DENND5B: variants seen among roughly 807,000 people sequenced by gnomAD.
DENND5B encodes the protein DENN domain containing 5B.
DENND5B carries 34 observed loss-of-function variants against 140.6 expected under a neutral mutation model. The observed-to-expected ratio is 0.24, with a 90% confidence interval of 0.18 to 0.32. The LOEUF (loss-of-function observed/expected upper bound fraction) is 0.32, where lower values mean the gene tolerates loss of function less well. DENND5B is among the 10% of genes least tolerant of loss of function. DENND5B has a pLI of 1.00. For synonymous variants in DENND5B, 551 were observed against 562.1 expected (o/e 0.98, Z 0.28); for missense variants, 1,142 against 1,560.2 (o/e 0.73, Z 4.52).
At chr12:31,578,354 T>C (rs541067495) in intron 1 of DENND5B, among the ~76,000 whole-genome samples, 1 of 152,290 alleles carries the variant, frequency 6.6e-6, no homozygotes, top group Admixed American at 6.5e-5. Context: ...CCTCAGATAA[T>C]GCACAAAATA....
At chr12:31,489,325 T>C (rs1179881527) in intron 2 of DENND5B, among the ~76,000 whole-genome samples, 1 of 152,184 alleles carries the variant, frequency 6.6e-6, no homozygotes, top group African/African-American at 2.4e-5. Flanking sequence ...ACTTATTTTG[T>C]CCCATGTTTT....
chr12:31,394,492 TA>T (rs1464297849), intron 17 of DENND5B, among the ~76,000 whole-genome samples: 1 of 152,168 alleles, frequency 6.6e-6, no homozygotes, highest in Non-Finnish European at 1.5e-5. Context: ...TCAGCATAAT[TA>T]AAATTCACCA....
intron 1 of DENND5B, among the ~76,000 whole-genome samples, chr12:31,532,135 A>T (rs918586087): frequency 6.6e-6 from 1 of 152,234 alleles, no homozygotes; most frequent in Admixed American, 6.5e-5. Flanking sequence ...CTGAAGAAAG[A>T]AGCACAGTTT....
intron 1 of DENND5B, among the ~76,000 whole-genome samples, chr12:31,577,468 T>C (rs1007953493): frequency 3.9e-5 from 6 of 152,100 alleles, no homozygotes; most frequent in African/African-American, 1.2e-4. Context: ...CCCAGCACTT[T>C]GGGAGGCCGA....
intron 1 of DENND5B, among the ~76,000 whole-genome samples, chr12:31,553,899 T>C (rs1047492707): frequency 1.3e-5 from 2 of 152,232 alleles, no homozygotes; most frequent in Admixed American, 6.5e-5. Flanking sequence ...TGCCTTTTTT[T>C]GTTTTCCATT....
intron 3 of DENND5B, among the ~76,000 whole-genome samples, chr12:31,462,262 A>T (rs925145547): frequency 1.3e-5 from 2 of 149,906 alleles, no homozygotes; most frequent in Non-Finnish European, 3.0e-5. Flanking sequence ...CGGGTAGTAG[A>T]GGAGATCAGA....
At chr12:31,413,650 C>G in intron 12 of DENND5B, 86 bp from the exon 13 acceptor site, 6 of 1,412,254 alleles carry the variant, frequency 4.2e-6, no homozygotes, top group Non-Finnish European at 5.6e-6. Context: ...GTACTGGGCA[C>G]AGAAAGGTTT....
rs143551241 is a variant in DENND5B at position 31,494,681 on chromosome 12, C to G, written c.237+1129G>C. ...GGAGTGTAACTTTGTAACTTCACTT[C>G]AGCCTCTGATTGGTTGTATGTTTGT... On this transcript the variant is annotated intron_variant, in intron 2 of 20. Coordinates refer to ENST00000389082, the MANE Select transcript of DENND5B (RefSeq NM_144973.4). Among the ~76,000 whole-genome samples the G allele has an allele frequency of 9.6e-3, 1,467 of 152,242 alleles. 27 individuals are homozygous for G. Among genetic ancestry groups the G allele is most frequent in the African/African-American group, 0.033 (1,389 of 41,548 alleles).
intron 1 of DENND5B, among the ~76,000 whole-genome samples, chr12:31,503,833 A>C (rs1260611435): frequency 6.6e-6 from 1 of 152,164 alleles, no homozygotes; most frequent in Non-Finnish European, 1.5e-5. Flanking sequence ...CTGACCAGAG[A>C]CTTTCTCCAG....
At chr12:31,506,860 G>A (rs181116890) in intron 1 of DENND5B, among the ~76,000 whole-genome samples, 3 of 152,276 alleles carry the variant, frequency 2.0e-5, no homozygotes, top group South Asian at 2.1e-4. Flanking sequence ...TTTCCCCTGC[G>A]CATACATCAG....
chr12:31,429,992 C>A (rs1943436185), intron 8 of DENND5B, among the ~76,000 whole-genome samples: 1 of 151,590 alleles, frequency 6.6e-6, no homozygotes. Context: ...TAGGTGTGAG[C>A]CACCGCCCAG....
intron 3 of DENND5B, among the ~76,000 whole-genome samples, chr12:31,467,467 G>GA (rs915327265): frequency 3.0e-4 from 43 of 142,808 alleles, no homozygotes; most frequent in South Asian, 4.5e-4. Context: ...TCTACAAAAA[G>GA]AAAAAAAAAA....
At chr12:31,407,751 T>C (rs1942213270) in intron 14 of DENND5B, among the ~76,000 whole-genome samples, 1 of 152,192 alleles carries the variant, frequency 6.6e-6, no homozygotes, top group Non-Finnish European at 1.5e-5. Context: ...ACACAGAGCA[T>C]GTCTAACAGG....
intron 17 of DENND5B, among the ~76,000 whole-genome samples, chr12:31,394,915 C>A (rs1477377410): frequency 6.6e-6 from 1 of 151,920 alleles, no homozygotes; most frequent in African/African-American, 2.4e-5. Flanking sequence ...CCCGGCCTAT[C>A]CTGTGCTCTT....
chr12:31,421,117 C>G (rs1353040269), intron 11 of DENND5B, among the ~76,000 whole-genome samples: 8 of 152,180 alleles, frequency 5.3e-5, no homozygotes, highest in Non-Finnish European at 1.2e-4. Context: ...AGTCTTGGCT[C>G]AATGCAACCT....
intron 13 of DENND5B, among the ~76,000 whole-genome samples, chr12:31,411,670 A>C (rs1038724955): frequency 1.3e-5 from 2 of 151,956 alleles, no homozygotes; most frequent in African/African-American, 2.4e-5. Flanking sequence ...GGAAAAAAAA[A>C]CCACGCCAGT....
intron 2 of DENND5B, among the ~76,000 whole-genome samples, chr12:31,480,649 A>T (rs1946034073): frequency 6.6e-6 from 1 of 152,202 alleles, no homozygotes; most frequent in African/African-American, 2.4e-5. Flanking sequence ...GAGTAGGCAA[A>T]AGCATTTCAC....
chr12:31,523,310 G>A (rs1016669351), intron 1 of DENND5B, among the ~76,000 whole-genome samples: 4 of 152,076 alleles, frequency 2.6e-5, no homozygotes, highest in African/African-American at 4.8e-5. Flanking sequence ...TGATCCGCCT[G>A]CCTTGGCCTT....
At chr12:31,545,971 A>AAAAAAAAAAAAAAAAAAAGG (rs1948843461) in intron 1 of DENND5B, among the ~76,000 whole-genome samples, 1 of 148,012 alleles carries the variant, frequency 6.8e-6, no homozygotes. Context: ...AAAAAAAAAA[A>AAAAAAAAAAAAAAAAAAAGG]GTGGGGGAAT....
Sources: gnomAD v4.1 joint callset for allele counts (sites outside exome capture counted in the v4.1 genomes callset) on GRCh38, gnomAD v4.1.1 for gene constraint, MANE v1.5 for transcripts, NCBI Gene and HGNC (gene_info 2026-07-23, HGNC 2026-07-21) for gene names.